Variants in MBTD1 observed in about 807,000 individuals in gnomAD.
MBTD1 encodes mbt domain containing 1.
In MBTD1, 24 loss-of-function variants were observed where a neutral mutation model predicts 87.8. The ratio of observed to expected loss-of-function variants is 0.27; its 90% CI spans 0.20 to 0.38. The LOEUF (loss-of-function observed/expected upper bound fraction) is 0.38. Ranked by LOEUF, MBTD1 falls within the 10% of genes least tolerant of loss-of-function variation. MBTD1 has a pLI of 1.00. For missense variants in MBTD1, 436 were observed against 760.2 expected (o/e 0.57, Z 5.02); for synonymous variants, 237 against 248.6 (o/e 0.95, Z 0.44).
intron 16 of MBTD1, among the ~76,000 whole-genome samples, chr17:51,188,385 G>T (rs1323141364): frequency 6.6e-6 from 1 of 152,116 alleles, no homozygotes; most frequent in East Asian, 1.9e-4. Context: ...GACCAATGAA[G>T]CTCATCAGCT....
intron 6 of MBTD1, among the ~76,000 whole-genome samples, chr17:51,214,643 T>A (rs2052462965): frequency 6.6e-6 from 1 of 152,168 alleles, no homozygotes. Flanking sequence ...TCACAACAGC[T>A]CCGCTTCCGT....
intron 11 of MBTD1, 130 bp downstream of exon 11, chr17:51,201,892 T>G (rs2051513828): frequency 8.3e-6 from 6 of 721,056 alleles, no homozygotes; most frequent in Non-Finnish European, 1.4e-5. Flanking sequence ...TTGTGACACC[T>G]ATGAATTTAC....
At chr17:51,223,484 C>T (rs1347868393) in intron 3 of MBTD1, among the ~76,000 whole-genome samples, 7 of 151,778 alleles carry the variant, frequency 4.6e-5, no homozygotes, top group African/African-American at 4.8e-5. Flanking sequence ...TGCAGTGAGT[C>T]GAGATCTTGC....
chr17:51,215,494 G>A (rs1461935053), intron 6 of MBTD1, among the ~76,000 whole-genome samples: 3 of 152,102 alleles, frequency 2.0e-5, no homozygotes, highest in African/African-American at 4.8e-5. Flanking sequence ...AGGCCATTCC[G>A]AAGGAGACAA....
At chr17:51,187,491 C>CA (rs1041554490) in intron 16 of MBTD1, among the ~76,000 whole-genome samples, 4 of 150,864 alleles carry the variant, frequency 2.7e-5, no homozygotes, top group African/African-American at 9.7e-5. Context: ...TTTTGCCAAC[C>CA]AAAAAAAATA....
At chr17:51,212,047 G>T (rs1237917583) in intron 6 of MBTD1, among the ~76,000 whole-genome samples, 1 of 152,110 alleles carries the variant, frequency 6.6e-6, no homozygotes, top group South Asian at 2.1e-4. Context: ...TAACAAGAGG[G>T]TATCTGTGGA....
At chr17:51,256,338 G>A (rs1244330047) in intron 2 of MBTD1, 3 of 152,202 alleles carry the variant, frequency 2.0e-5, no homozygotes, top group African/African-American at 7.2e-5. Context: ...GTAGCTTGCT[G>A]ACTTTGTCCA....
At chr17:51,224,212 T>C (rs1328529556) in intron 3 of MBTD1, among the ~76,000 whole-genome samples, 1 of 152,170 alleles carries the variant, frequency 6.6e-6, no homozygotes, top group Non-Finnish European at 1.5e-5. Context: ...TACCACATAA[T>C]CTGAAGTATC....
At chr17:51,216,543 T>TA (rs2052579299) in intron 6 of MBTD1, among the ~76,000 whole-genome samples, 1 of 152,194 alleles carries the variant, frequency 6.6e-6, no homozygotes, top group African/African-American at 2.4e-5. Flanking sequence ...GCACATATTT[T>TA]AGCTCACAAT....
At chr17:51,186,126 T>G (rs763550179) in intron 16 of MBTD1, 1 of 152,618 alleles carries the variant, frequency 6.6e-6, no homozygotes, top group Non-Finnish European at 1.5e-5. Context: ...AGGAGTCAAC[T>G]CTTCGTCACC....
intron 16 of MBTD1, chr17:51,185,085 G>A (rs1462183691): frequency 2.0e-5 from 3 of 151,980 alleles, no homozygotes; most frequent in Non-Finnish European, 4.4e-5. Context: ...AACCAACAAC[G>A]GAAACAAACA....
At chr17:51,228,883 G>GT (rs2053396468) in intron 2 of MBTD1, among the ~76,000 whole-genome samples, 1 of 128,996 alleles carries the variant, frequency 7.8e-6, no homozygotes, top group African/African-American at 2.9e-5. Context: ...GGGTGACAGA[G>GT]TAAGAGTCCT....
intron 15 of MBTD1, 83 bp downstream of exon 15, chr17:51,192,699 C>T (rs367640788): frequency 1.3e-6 from 2 of 1,572,510 alleles, no homozygotes; most frequent in African/African-American, 2.7e-5. Context: ...GTCCTGTGAG[C>T]TCATAAGATG....
At chr17:51,199,349 T>C (rs1225521039) in intron 12 of MBTD1, among the ~76,000 whole-genome samples, 6 of 151,838 alleles carry the variant, frequency 4.0e-5, no homozygotes, top group Admixed American at 3.3e-4. Flanking sequence ...AGTGCTGGAA[T>C]TACAGGTGTG....
chr17:51,258,445 A>T, intron 2 of MBTD1, among the ~76,000 whole-genome samples: 1 of 152,178 alleles, frequency 6.6e-6, no homozygotes, highest in Non-Finnish European at 1.5e-5. Flanking sequence ...AAAATATTGT[A>T]AACTCTAAAC....
intron 16 of MBTD1, among the ~76,000 whole-genome samples, chr17:51,182,269 T>C (rs1598270068): frequency 6.6e-6 from 1 of 151,896 alleles, no homozygotes; most frequent in Non-Finnish European, 1.5e-5. Context: ...GGATTACAGG[T>C]GTGTGCCACC....
intron 2 of MBTD1, chr17:51,256,363 T>A (rs546308314): frequency 6.6e-6 from 1 of 152,304 alleles, no homozygotes; most frequent in Admixed American, 6.5e-5. Context: ...TCACTTCTAC[T>A]AGACTAAATT....
chr17:51,240,235 A>G (rs73334935), intron 2 of MBTD1, among the ~76,000 whole-genome samples: 1 of 152,158 alleles, frequency 6.6e-6, no homozygotes, highest in Non-Finnish European at 1.5e-5. Context: ...AACATCTTAC[A>G]TTAGTATTGA....
intron 16 of MBTD1, chr17:51,183,440 G>C (rs2050405801): frequency 6.7e-6 from 1 of 149,710 alleles, no homozygotes; most frequent in Non-Finnish European, 1.5e-5. Context: ...TCCCCACATG[G>C]GATAACCTCC....
Sources: allele counts gnomAD v4.1 joint callset (sites outside exome capture counted in the v4.1 genomes callset), GRCh38; gene constraint gnomAD v4.1.1; transcripts MANE v1.5; gene names NCBI Gene and HGNC (gene_info 2026-07-23, HGNC 2026-07-21).